The following ESR1 variants were observed in gnomAD, a reference collection of about 807,000 sequenced individuals.
ESR1 encodes estrogen receptor 1.
In ESR1, 12 loss-of-function variants were observed where a neutral mutation model predicts 52.7. The observed-to-expected ratio is 0.23, with a 90% CI of 0.15 to 0.37. The LOEUF (loss-of-function observed/expected upper bound fraction) is 0.37. Ranked by LOEUF, ESR1 falls within the 10% of genes least tolerant of loss-of-function variation. The probability of loss-of-function intolerance (pLI) is 1.00; values close to 1 mark genes in which losing one functional copy is unlikely to be tolerated. For synonymous variants in ESR1, 305 were observed against 316.8 expected (o/e 0.96, Z 0.39); for missense variants, 584 against 779.7 (o/e 0.75, Z 2.99).
In ESR1 at chr6:151,853,435, G is replaced by A. The variant is rs377724054; in HGVS notation, c.643+10648G>A. On this transcript the variant is annotated intron_variant, in intron 2 of 7. Coordinates refer to ENST00000206249, the MANE Select transcript of ESR1 (RefSeq NM_000125.4). ...AACTTAGATGTGTTTGTGCACACATGCACGCATATATTTGAAGAACTCAGA... is the reference window on the plus strand; with the variant it reads ...AACTTAGATGTGTTTGTGCACACATACACGCATATATTTGAAGAACTCAGA... 3.3e-5 allele frequency among the ~76,000 whole-genome samples: 5 copies of A among 152,096 alleles called. No individual in the cohort carries two copies. The East Asian group carries it at 9.7e-4, about 29-fold the overall frequency.
chr6:152,126,092 A>G (rs1404916524), exon 7 of ESR1: 1 of 152,174 alleles, frequency 6.6e-6, no homozygotes, highest in African/African-American at 2.4e-5. Context: ...ATTAAAATTT[A>G]ATTTGTGCAT....
At chr6:151,890,758 T>C (rs1349852052) in intron 3 of ESR1, among the ~76,000 whole-genome samples, 1 of 152,254 alleles carries the variant, frequency 6.6e-6, no homozygotes, top group Non-Finnish European at 1.5e-5. Flanking sequence ...TCTTATTTTA[T>C]AGTTTGTGAC....
At chr6:151,876,282 T>TG (rs751832425) in intron 2 of ESR1, among the ~76,000 whole-genome samples, 2 of 152,072 alleles carry the variant, frequency 1.3e-5, no homozygotes, top group South Asian at 4.1e-4. Context: ...CAGTTCTGTC[T>TG]GGGGCACATC....
chr6:152,048,152 C>T (rs574200521), intron 5 of ESR1, among the ~76,000 whole-genome samples: 42 of 151,534 alleles, frequency 2.8e-4, no homozygotes, highest in South Asian at 4.2e-4. Context: ...AGGTGGACCA[C>T]GAGGTCAAGA....
intron 1 of ESR1, among the ~76,000 whole-genome samples, chr6:151,811,522 C>A (rs1778836176): frequency 6.6e-6 from 1 of 152,152 alleles, no homozygotes; most frequent in Non-Finnish European, 1.5e-5. Flanking sequence ...TCTTTTGCAT[C>A]AAAATCAATG....
chr6:152,124,680 C>T (rs1454328607), intron 6 of ESR1, among the ~76,000 whole-genome samples: 1 of 120,558 alleles, frequency 8.3e-6, no homozygotes, highest in African/African-American at 3.4e-5. Context: ...TGAGTTATTC[C>T]TAATAAGCTG....
intron 1 of ESR1, among the ~76,000 whole-genome samples, chr6:151,839,959 A>G (rs1033827181): frequency 6.6e-6 from 1 of 152,158 alleles, no homozygotes; most frequent in South Asian, 2.1e-4. Context: ...TTTGTGTTAT[A>G]TATATCTTAC....
chr6:151,664,852 C>T (rs1389277635), intron 1 of ESR1, among the ~76,000 whole-genome samples: 1 of 152,140 alleles, frequency 6.6e-6, no homozygotes, highest in African/African-American at 2.4e-5. Flanking sequence ...ACTTGTTCTT[C>T]TTCCTGAATT....
At chr6:151,859,944 G>T (rs1047261978) in intron 2 of ESR1, among the ~76,000 whole-genome samples, 2 of 152,110 alleles carry the variant, frequency 1.3e-5, no homozygotes, top group African/African-American at 4.8e-5. Context: ...AGTGATTAGA[G>T]TTCATGCTTA....
At chr6:151,911,866 G>C (rs1798318298) in intron 3 of ESR1, among the ~76,000 whole-genome samples, 1 of 152,220 alleles carries the variant, frequency 6.6e-6, no homozygotes, top group Non-Finnish European at 1.5e-5. Flanking sequence ...CATGGCTGCT[G>C]TTTGTTATCC....
intron 2 of ESR1, among the ~76,000 whole-genome samples, chr6:151,762,048 G>T (rs1037594950): frequency 2.0e-5 from 3 of 152,188 alleles, no homozygotes; most frequent in Non-Finnish European, 2.9e-5. Flanking sequence ...AAAAGTCCCA[G>T]TGAAATCACA....
intron 1 of ESR1, among the ~76,000 whole-genome samples, chr6:151,829,323 A>AAACACTTCTG (rs1782007993): frequency 6.6e-6 from 1 of 152,232 alleles, no homozygotes; most frequent in Non-Finnish European, 1.5e-5. Flanking sequence ...AATATGTCAG[A>AAACACTTCTG]TATACAGAAG....
At chr6:152,107,515 A>G (rs1181951357), downstream of ESR1, among the ~76,000 whole-genome samples, 2 of 152,166 alleles carry the variant, frequency 1.3e-5, no homozygotes, top group Non-Finnish European at 2.9e-5. Context: ...TCATACTCTA[A>G]TTCTTTAAAC....
At chr6:151,922,859 T>G (rs2031974633) in intron 3 of ESR1, among the ~76,000 whole-genome samples, 1 of 152,210 alleles carries the variant, frequency 6.6e-6, no homozygotes, top group Middle Eastern at 3.2e-3. Context: ...ATATTTCTAT[T>G]TGTAACCATC....
chr6:152,100,318 TG>T lies in ESR1; in HGVS notation c.*1353del, dbSNP rs2050919192. The stretch of plus-strand genomic sequence containing the variant: ...GGACCGTTGCTGTCACTACTCAGGC[TG>T]ACTGGGGCCTGGTCAGATTACGTAT... On this transcript the variant is annotated 3_prime_UTR_variant, in exon 8 of 8. Transcript: ENST00000206249. 1.8e-5 allele frequency: 7 copies of T among 385,050 alleles called. No individual in the cohort carries two copies. In the South Asian group the frequency reaches 7.2e-4, roughly 40 times the overall value. 23.9% of individuals were successfully genotyped at this position (385,050 alleles called of 1,614,324 possible).
chr6:151,667,735 T>C (rs1344679481), intron 1 of ESR1, among the ~76,000 whole-genome samples: 3 of 152,112 alleles, frequency 2.0e-5, no homozygotes, highest in South Asian at 2.1e-4. Flanking sequence ...AGCATTTCTA[T>C]GGAAAGAAGG....
chr6:151,659,046 T>A (rs1777548765), intron 1 of ESR1, among the ~76,000 whole-genome samples: 1 of 152,144 alleles, frequency 6.6e-6, no homozygotes, highest in Non-Finnish European at 1.5e-5. Flanking sequence ...GGAGTTTCGA[T>A]CTTGTTGCCC....
chr6:151,784,457 G>A (rs760494130), intron 2 of ESR1, among the ~76,000 whole-genome samples: 3 of 152,062 alleles, frequency 2.0e-5, no homozygotes, highest in Non-Finnish European at 4.4e-5. Context: ...GAAGTCAACA[G>A]GATAAAATAT....
chr6:151,710,076 C>A (rs559883614), intron 2 of ESR1, among the ~76,000 whole-genome samples: 2 of 151,928 alleles, frequency 1.3e-5, no homozygotes, highest in Admixed American at 6.5e-5. Flanking sequence ...GTTAAATAAT[C>A]TTTTCTCCAA....
Sources: gnomAD v4.1 joint callset for allele counts (sites outside exome capture counted in the v4.1 genomes callset) on GRCh38, gnomAD v4.1.1 for gene constraint, MANE v1.5 for transcripts, NCBI Gene and HGNC (gene_info 2026-07-23, HGNC 2026-07-21) for gene names.